Variants in GALNT11 observed in about 807,000 individuals in gnomAD.
GALNT11 encodes the protein UDP-GalNAc:polypeptide N-acetylgalactosaminyltransferase 11.
Under a neutral mutation model 72.7 loss-of-function variants are expected in GALNT11, and 47 were observed. That is an observed-to-expected ratio of 0.65 (90% CI 0.51 to 0.82). GALNT11 has a LOEUF of 0.82. Ranked by LOEUF, GALNT11 falls within the 40% of genes least tolerant of loss-of-function variation. The pLI, the probability that GALNT11 is intolerant of heterozygous loss-of-function variation, is 0.00. For missense variants in GALNT11, 677 were observed against 778.4 expected, an observed-to-expected ratio of 0.87 and a Z score of 1.55; for synonymous variants, 270 against 286.6, an observed-to-expected ratio of 0.94 and a Z score of 0.58.
chr7:152,030,835 T>C (rs1048681171), intron 1 of GALNT11, among the ~76,000 whole-genome samples: 1 of 152,210 alleles, frequency 6.6e-6, no homozygotes, highest in African/African-American at 2.4e-5. Flanking sequence ...CTTTCTCTCT[T>C]TCCTTTCTGC....
At chr7:152,108,529 C>A (rs968142863) in intron 6 of GALNT11, among the ~76,000 whole-genome samples, 2 of 152,194 alleles carry the variant, frequency 1.3e-5, no homozygotes, top group Non-Finnish European at 2.9e-5. Flanking sequence ...AGCAGACAGA[C>A]CAGGCCACCA....
chr7:152,102,634 G>A (rs1005975573), intron 3 of GALNT11, among the ~76,000 whole-genome samples: 1 of 152,040 alleles, frequency 6.6e-6, no homozygotes, highest in Non-Finnish European at 1.5e-5. Flanking sequence ...AGAAGAAACC[G>A]TATTGTTTTT....
At chr7:152,051,516 T>C (rs1200877541) in intron 1 of GALNT11, among the ~76,000 whole-genome samples, 1 of 152,166 alleles carries the variant, frequency 6.6e-6, no homozygotes, top group East Asian at 1.9e-4. Context: ...TATTCCTTTC[T>C]ACTTCACATT....
intron 1 of GALNT11, among the ~76,000 whole-genome samples, chr7:152,033,423 A>G (rs968386150): frequency 1.4e-4 from 21 of 151,980 alleles, no homozygotes; most frequent in African/African-American, 4.8e-4. Context: ...CTTGGTCCCT[A>G]TTATAGAACA....
At chr7:152,071,115 G>A (rs1480810150) in intron 1 of GALNT11, among the ~76,000 whole-genome samples, 1 of 152,188 alleles carries the variant, frequency 6.6e-6, no homozygotes, top group African/African-American at 2.4e-5. Context: ...TGAAGTTTCG[G>A]GCACCATTGT....
intron 1 of GALNT11, among the ~76,000 whole-genome samples, chr7:152,029,536 T>A (rs1350274192): frequency 5.3e-5 from 8 of 152,228 alleles, no homozygotes; most frequent in African/African-American, 1.9e-4. Context: ...CTTGTAAGTT[T>A]GGGATTTCAA....
At chr7:152,085,299 A>G (rs926148254) in intron 1 of GALNT11, among the ~76,000 whole-genome samples, 1 of 152,232 alleles carries the variant, frequency 6.6e-6, no homozygotes, top group African/African-American at 2.4e-5. Flanking sequence ...TCTCACTTTA[A>G]TAAATTCAAG....
chr7:152,029,653 A>C (rs1371735892), intron 1 of GALNT11, among the ~76,000 whole-genome samples: 1 of 152,212 alleles, frequency 6.6e-6, no homozygotes, highest in Admixed American at 6.5e-5. Flanking sequence ...GCTGAGTGCA[A>C]ACAGCTCGCA....
chr7:152,080,976 A>C (rs2085292152), intron 1 of GALNT11, among the ~76,000 whole-genome samples: 1 of 152,098 alleles, frequency 6.6e-6, no homozygotes, highest in South Asian at 2.1e-4. Context: ...GATTCAGAAA[A>C]ACCAAAAAAC....
chr7:152,062,510 G>A (rs1043004768), intron 1 of GALNT11, among the ~76,000 whole-genome samples: 3 of 152,196 alleles, frequency 2.0e-5, no homozygotes, highest in Non-Finnish European at 4.4e-5. Flanking sequence ...ATGTTGAATA[G>A]GAGTGGTGAG....
At chr7:152,030,628 A>G (rs763573039) in intron 1 of GALNT11, among the ~76,000 whole-genome samples, 1 of 151,314 alleles carries the variant, frequency 6.6e-6, no homozygotes, top group Non-Finnish European at 1.5e-5. Flanking sequence ...TACTACTTCT[A>G]TCTCTCTTTC....
Position 152,094,575 on chromosome 7 carries a change from G to T in GALNT11, c.295+53G>T, listed in dbSNP as rs897501929. On this transcript the variant is annotated intron_variant, in intron 2 of 11. Transcript: ENST00000430044. This position sits in a 1 kb window ranked among gnomAD's most constrained non-coding sequence, Gnocchi z 4.3. ...ATATCAATGTATTTAATCACTGGAA[G>T]TTTGATTAATTAGTTAATTAGGAGA... 2.0e-6 allele frequency: 3 copies of T among 1,501,440 alleles called. No individual in the cohort carries two copies. In the Admixed American group the frequency reaches 6.8e-5, roughly 34 times the overall value. 93.0% of individuals were successfully genotyped at this position (1,501,440 alleles called of 1,614,324 possible).
intron 4 of GALNT11, chr7:152,104,870 T>C (rs1210354808): frequency 6.5e-6 from 1 of 153,926 alleles, no homozygotes; most frequent in Non-Finnish European, 1.4e-5. Context: ...AATTCCTTTG[T>C]AATAAAAGGC....
At chr7:152,035,142 A>C (rs2082501893) in intron 1 of GALNT11, among the ~76,000 whole-genome samples, 1 of 152,220 alleles carries the variant, frequency 6.6e-6, no homozygotes, top group Admixed American at 6.5e-5. Flanking sequence ...CTTCTGGAAT[A>C]GCTTTTGTTA....
intron 4 of GALNT11, 123 bp from the exon 5 acceptor site, chr7:152,105,122 G>T: frequency 1.0e-6 from 1 of 1,004,186 alleles, no homozygotes; most frequent in African/African-American, 1.6e-5. Flanking sequence ...AAAATATTCT[G>T]TAGTATTTGC....
chr7:152,066,533 C>T lies in GALNT11; in HGVS notation c.-38-27657C>T, dbSNP rs181040017. Among the ~76,000 whole-genome samples the T allele has an allele frequency of 2.0e-3, 299 of 152,334 alleles. 4 individuals carry two copies. Among genetic ancestry groups the T allele is most frequent in the Admixed American group, 0.016 (241 of 15,302 alleles). Reference sequence around the variant, plus strand: ...AATCACCCGTCTTCTGCGTCACTCACGCTGGGAGCTGTAGACTGGAGCTGT... The same window carrying T: ...AATCACCCGTCTTCTGCGTCACTCATGCTGGGAGCTGTAGACTGGAGCTGT... On this transcript the variant is annotated intron_variant, in intron 1 of 11. Transcript: ENST00000430044.
intron 6 of GALNT11, among the ~76,000 whole-genome samples, 174 bp from the exon 7 acceptor site, chr7:152,110,354 A>G (rs529905234): frequency 6.6e-6 from 1 of 152,348 alleles, no homozygotes; most frequent in Non-Finnish European, 1.5e-5. Context: ...TTAGCAATCT[A>G]GAAAATTCAG....
chr7:152,121,445 T>G (rs1470521090), intron 11 of GALNT11, 101 bp from the exon 12 acceptor site: 2 of 1,414,818 alleles, frequency 1.4e-6, no homozygotes, highest in South Asian at 2.8e-5. Flanking sequence ...AGGGGACTAT[T>G]GTATCCCTTA....
chr7:152,051,188 T>C (rs1367087009), intron 1 of GALNT11, among the ~76,000 whole-genome samples: 2 of 149,316 alleles, frequency 1.3e-5, no homozygotes, highest in Non-Finnish European at 3.0e-5. Flanking sequence ...CTCCTAGAAT[T>C]ATATCTGGTT....
Sources: allele counts gnomAD v4.1 joint callset (sites outside exome capture counted in the v4.1 genomes callset), GRCh38; gene constraint gnomAD v4.1.1; non-coding constraint Gnocchi (gnomAD v3.1); transcripts MANE v1.5; gene names NCBI Gene and HGNC (gene_info 2026-07-23, HGNC 2026-07-21).